GREB1L: variants seen among roughly 807,000 people sequenced by gnomAD.
GREB1L encodes GREB1 like retinoic acid receptor coactivator.
A neutral mutation model predicts 200.8 loss-of-function variants in GREB1L; 17 were observed. The observed-to-expected ratio is 0.08, with a 90% CI of 0.06 to 0.13. The LOEUF is 0.13. Ranked by LOEUF, GREB1L falls within the 10% of genes least tolerant of loss-of-function variation. The pLI, the probability that GREB1L is intolerant of heterozygous loss-of-function variation, is 1.00. For missense variants in GREB1L, 1,657 were observed against 2,367.7 expected (o/e 0.70, Z 6.23); for synonymous variants, 789 against 893.0 (o/e 0.88, Z 2.08).
intron 1 of GREB1L, among the ~76,000 whole-genome samples, chr18:21,248,175 C>A (rs947262788): frequency 6.6e-6 from 1 of 152,034 alleles, no homozygotes; most frequent in African/African-American, 2.4e-5. Context: ...AAGCAGTAAA[C>A]CTGAGTTGTG....
chr18:21,403,293 G>A (rs571284964), intron 6 of GREB1L, among the ~76,000 whole-genome samples: 11 of 152,134 alleles, frequency 7.2e-5, no homozygotes, highest in African/African-American at 2.4e-4. Flanking sequence ...ATGAAGCTTG[G>A]CATATCATGA....
Position 21,477,191 on chromosome 18 carries a change from C to T in GREB1L, c.2391C>T (p.Ser797=), listed in dbSNP as rs758423934. 9.0e-5 allele frequency: 139 copies of T among 1,551,538 alleles called. 4 individuals carry two copies. In the South Asian group the frequency reaches 1.5e-3, roughly 16 times the overall value. ...TSVISGSLSH[S]EPSHGLADRV... ...TCATTTCAGGCTCTTTGTCACATAG[C>T]GAACCCAGTCATGGGCTAGCTGATA... Residue 797 remains serine, a synonymous_variant, in exon 17 of 33, where the codon AGC becomes AGT. Transcript: ENST00000424526.
At chr18:21,347,501 G>C (rs1342319170) in intron 1 of GREB1L, among the ~76,000 whole-genome samples, 1 of 151,330 alleles carries the variant, frequency 6.6e-6, no homozygotes. Flanking sequence ...TGTCGCTCAG[G>C]CTGGAGTGTA....
chr18:21,366,478 A>C (rs1330537341), intron 2 of GREB1L, among the ~76,000 whole-genome samples: 1 of 152,198 alleles, frequency 6.6e-6, no homozygotes, highest in African/African-American at 2.4e-5. Flanking sequence ...CTTCTGCATA[A>C]ATACCCAGAT....
At chr18:21,437,845 TTTTAACAGATA>T (rs2033645207) in intron 7 of GREB1L, among the ~76,000 whole-genome samples, 1 of 152,198 alleles carries the variant, frequency 6.6e-6, no homozygotes, top group African/African-American at 2.4e-5. Context: ...AAAAAATATT[TTTTAACAGATA>T]ATTAAAAGAT....
intron 15 of GREB1L, among the ~76,000 whole-genome samples, chr18:21,463,176 C>T (rs1273227434): frequency 2.6e-4 from 29 of 111,844 alleles, no homozygotes; most frequent in African/African-American, 8.9e-4. Flanking sequence ...GATGGAGTCT[C>T]GCTCTGTCCC....
At chr18:21,491,394 G>T (rs1178472184) in intron 19 of GREB1L, among the ~76,000 whole-genome samples, 2 of 152,142 alleles carry the variant, frequency 1.3e-5, no homozygotes, top group Non-Finnish European at 2.9e-5. Flanking sequence ...GTTCTAATTT[G>T]GGGATGATTA....
intron 11 of GREB1L, among the ~76,000 whole-genome samples, chr18:21,447,261 GCAGA>G (rs1310744058): frequency 6.6e-6 from 1 of 151,978 alleles, no homozygotes; most frequent in Non-Finnish European, 1.5e-5. Flanking sequence ...CTCCAGCCTG[GCAGA>G]CAGACAGAGA....
At chr18:21,458,115 T>C (rs187969518) in intron 15 of GREB1L, among the ~76,000 whole-genome samples, 2 of 152,062 alleles carry the variant, frequency 1.3e-5, no homozygotes, top group African/African-American at 4.8e-5. Flanking sequence ...ATTACAGGCA[T>C]GCGCCACCAT....
At chr18:21,477,447 C>G in intron 17 of GREB1L, 91 bp downstream of exon 17, 1 of 989,410 alleles carries the variant, frequency 1.0e-6, no homozygotes, top group East Asian at 2.8e-5. Flanking sequence ...TGGCTTAAGA[C>G]CATATTCATA....
At chr18:21,401,592 T>C (rs1477602054) in intron 6 of GREB1L, among the ~76,000 whole-genome samples, 1 of 152,202 alleles carries the variant, frequency 6.6e-6, no homozygotes, top group Non-Finnish European at 1.5e-5. Context: ...ATGGACTCTT[T>C]CCAGCTCTTC....
At chr18:21,286,045 G>A (rs963273406) in intron 1 of GREB1L, among the ~76,000 whole-genome samples, 1 of 152,140 alleles carries the variant, frequency 6.6e-6, no homozygotes, top group Non-Finnish European at 1.5e-5. Flanking sequence ...TTTATAAAAT[G>A]CAAGAAACAT....
At chr18:21,505,333 C>A in intron 23 of GREB1L, 79 bp from the exon 24 acceptor site, 1 of 1,337,866 alleles carries the variant, frequency 7.5e-7, no homozygotes, top group Non-Finnish European at 1.0e-6. Context: ...GGCTCTACGT[C>A]CCATAAAAGC....
chr18:21,346,103 T>C (rs2039340825), intron 1 of GREB1L, among the ~76,000 whole-genome samples: 1 of 151,960 alleles, frequency 6.6e-6, no homozygotes, highest in Admixed American at 6.6e-5. Flanking sequence ...CTACTGACAA[T>C]AGGGGTGGAG....
intron 1 of GREB1L, among the ~76,000 whole-genome samples, chr18:21,267,203 T>G (rs2037984148): frequency 6.8e-6 from 1 of 147,760 alleles, no homozygotes; most frequent in Non-Finnish European, 1.5e-5. Context: ...TTTTTTTTTT[T>G]TTTTTTTGAG....
chr18:21,336,509 G>A (rs2039187580), intron 1 of GREB1L, among the ~76,000 whole-genome samples: 1 of 152,172 alleles, frequency 6.6e-6, no homozygotes, highest in Admixed American at 6.5e-5. Flanking sequence ...TACATGGGAT[G>A]ACATTCACCC....
rs2039520103 is a variant in GREB1L at position 21,357,343 on chromosome 18, C to T, written c.-119-8684C>T. On this transcript the variant is annotated intron_variant, in intron 1 of 32. Transcript: ENST00000424526. ...TTGGGATTACAGGCGTGAGCCTCTG[C>T]GCCCAGCCTACTTGAGTTATTTATA... Among the ~76,000 whole-genome samples, 3 of 152,246 alleles carry T rather than the reference C, an allele frequency of 2.0e-5. No individual in the cohort carries two copies. In the South Asian group the frequency reaches 6.2e-4, roughly 32 times the overall value.
intron 1 of GREB1L, among the ~76,000 whole-genome samples, chr18:21,282,455 A>G (rs2038285465): frequency 1.3e-5 from 2 of 152,182 alleles, no homozygotes; most frequent in African/African-American, 4.8e-5. Flanking sequence ...TCTTGTTTAT[A>G]TGCTTACATA....
rs2036994283 is a variant in GREB1L, at chr18:21,505,896, T to C, written c.4315T>C (p.Phe1439Leu). 2 of 1,552,074 alleles carry C rather than the reference T, an allele frequency of 1.3e-6. No individual in the cohort carries two copies. The highest frequency in any genetic ancestry group is 1.4e-5 in the African/African-American group (1 of 73,020). Reference protein sequence around the residue: ...MLTKYAAYNTFHHCEQCRQYM... With the variant: ...MLTKYAAYNTLHHCEQCRQYM... ...GACCAAATATGCAGCCTATAACACC[T>C]TTCACCACTGTGAACAGTGCCGCCA... Residue 1439 changes from phenylalanine (F) to leucine (L), a missense_variant, in exon 25 of 33, where the codon TTT becomes CTT. By Grantham distance (22) the Phe-to-Leu change is conservative (BLOSUM62 0). Coordinates refer to ENST00000424526, the MANE Select transcript of GREB1L (RefSeq NM_001142966.3).
Sources: allele counts gnomAD v4.1 joint callset (sites outside exome capture counted in the v4.1 genomes callset), GRCh38; gene constraint gnomAD v4.1.1; transcripts MANE v1.5; gene names NCBI Gene and HGNC (gene_info 2026-07-23, HGNC 2026-07-21).